The following UBE2R2 variants were observed in gnomAD, a reference collection of about 807,000 sequenced individuals.
UBE2R2 encodes the protein ubiquitin-conjugating enzyme E2 R2.
Under a neutral mutation model 27.8 loss-of-function variants are expected in UBE2R2, and 1 was observed. The ratio of observed to expected loss-of-function variants is 0.04; its 90% CI spans 0.01 to 0.17. UBE2R2 has a LOEUF of 0.17. Ranked by LOEUF, UBE2R2 falls within the 10% of genes least tolerant of loss-of-function variation. UBE2R2 has a pLI of 1.00. For synonymous variants in UBE2R2, 106 were observed against 113.3 expected (o/e 0.94, Z 0.41); for missense variants, 100 against 291.0 (o/e 0.34, Z 4.78).
At chr9:33,875,491 C>T (rs529378153) in intron 1 of UBE2R2, among the ~76,000 whole-genome samples, 1 of 152,274 alleles carries the variant, frequency 6.6e-6, no homozygotes, top group Non-Finnish European at 1.5e-5. Context: ...CCTGTAGTCC[C>T]AGCTACTCAG....
intron 1 of UBE2R2, among the ~76,000 whole-genome samples, chr9:33,837,352 A>T (rs1317760659): frequency 1.3e-5 from 2 of 150,510 alleles, no homozygotes. Flanking sequence ...GACCATGCAC[A>T]GTGCTGTGAT....
chr9:33,886,745 T>TG, intron 1 of UBE2R2, 136 bp from the exon 2 acceptor site: 1 of 615,400 alleles, frequency 1.6e-6, no homozygotes, highest in Non-Finnish European at 2.6e-6. Flanking sequence ...TAACAAAGTA[T>TG]GTCTGAGCTA....
At chr9:33,912,907 A>T (rs2130822726) in intron 4 of UBE2R2, among the ~76,000 whole-genome samples, 1 of 152,248 alleles carries the variant, frequency 6.6e-6, no homozygotes, top group Non-Finnish European at 1.5e-5. Flanking sequence ...TTTGCAATAA[A>T]TACAAACCCT....
At position 33,917,303 on chromosome 9, in the gene UBE2R2, A is replaced by T; in HGVS notation, c.*66A>T. Reference sequence around the variant, plus strand: ...GCCAAAGGGAGGGGAGCAAGTGGGGACCTGGCCATGGCCCCTCAGCAAAAA... The same window carrying T: ...GCCAAAGGGAGGGGAGCAAGTGGGGTCCTGGCCATGGCCCCTCAGCAAAAA... On this transcript the variant is annotated 3_prime_UTR_variant, in exon 5 of 5. Coordinates refer to ENST00000263228, the MANE Select transcript of UBE2R2 (RefSeq NM_017811.4). 1.3e-6 allele frequency: 2 copies of T among 1,594,074 alleles called. No individual in the cohort carries two copies. The highest frequency in any genetic ancestry group is 1.7e-6 in the Non-Finnish European group (2 of 1,172,094).
At chr9:33,879,055 A>C (rs904829628) in intron 1 of UBE2R2, among the ~76,000 whole-genome samples, 1 of 152,124 alleles carries the variant, frequency 6.6e-6, no homozygotes, top group Admixed American at 6.6e-5. Flanking sequence ...CAGCCTGGGC[A>C]AAGTGGTGAA....
intron 1 of UBE2R2, among the ~76,000 whole-genome samples, chr9:33,886,135 G>A (rs184137700): frequency 2.5e-3 from 379 of 152,254 alleles, no homozygotes; most frequent in Admixed American, 4.0e-3. Context: ...TTTTGTAAGG[G>A]AAATCAGCAA....
At chr9:33,911,180 G>C (rs1027183495) in intron 3 of UBE2R2, among the ~76,000 whole-genome samples, 30 of 151,680 alleles carry the variant, frequency 2.0e-4, no homozygotes, top group Admixed American at 5.9e-4. Flanking sequence ...AGGTTGAGGA[G>C]GGCGGATCAC....
intron 1 of UBE2R2, among the ~76,000 whole-genome samples, chr9:33,818,203 G>T (rs894985342): frequency 6.6e-6 from 1 of 152,116 alleles, no homozygotes; most frequent in South Asian, 2.1e-4. Context: ...TAGTGTCTAC[G>T]GGCGGAGGAG....
chr9:33,883,303 A>G (rs1347208038), intron 1 of UBE2R2, among the ~76,000 whole-genome samples: 2 of 152,156 alleles, frequency 1.3e-5, no homozygotes, highest in African/African-American at 4.8e-5. Context: ...ATCAGATTCT[A>G]TAGGTTAAGG....
rs750774628 is a variant in UBE2R2, at chr9:33,853,242, TTCTC to T, written c.178-33635_178-33632del. On this transcript the variant is annotated intron_variant, in intron 1 of 4. Transcript: ENST00000263228. ...TCTGTCTCAAAAAAAAAAAAAAAGA[TTCTC>T]TCTTCTAAAGCAAGACTTACCTGGC... 1.3e-3 allele frequency among the ~76,000 whole-genome samples: 188 copies of T among 150,152 alleles called. 1 individual carries two copies. The highest frequency in any genetic ancestry group is 3.4e-3 in the Middle Eastern group (1 of 294).
chr9:33,899,949 A>G (rs572381295), intron 2 of UBE2R2, among the ~76,000 whole-genome samples: 1 of 152,360 alleles, frequency 6.6e-6, no homozygotes, highest in South Asian at 2.1e-4. Context: ...TTCTATAGGA[A>G]TAGTAAGTCT....
intron 1 of UBE2R2, among the ~76,000 whole-genome samples, chr9:33,874,952 G>A (rs1821570528): frequency 6.6e-6 from 1 of 152,022 alleles, no homozygotes; most frequent in Non-Finnish European, 1.5e-5. Context: ...ATAGGCATGA[G>A]CCACTGTACC....
chr9:33,877,243 G>T (rs866347753), intron 1 of UBE2R2, among the ~76,000 whole-genome samples: 1 of 148,048 alleles, frequency 6.8e-6, no homozygotes, highest in East Asian at 2.0e-4. Flanking sequence ...GTGCAGTGGC[G>T]CGATCTCGGC....
chr9:33,832,669 A>G (rs893216777), intron 1 of UBE2R2, among the ~76,000 whole-genome samples: 6 of 151,894 alleles, frequency 4.0e-5, no homozygotes, highest in East Asian at 1.9e-4. Flanking sequence ...AAAAAAAAAA[A>G]AAAGAAAGAA....
intron 2 of UBE2R2, among the ~76,000 whole-genome samples, chr9:33,895,666 T>C (rs1822086282): frequency 6.6e-6 from 1 of 152,066 alleles, no homozygotes; most frequent in African/African-American, 2.4e-5. Flanking sequence ...ATCGTAACTC[T>C]ACATTTTTTA....
At chr9:33,846,614 G>C (rs150271699) in intron 1 of UBE2R2, among the ~76,000 whole-genome samples, 13 of 152,162 alleles carry the variant, frequency 8.5e-5, no homozygotes, top group African/African-American at 1.7e-4. Flanking sequence ...GTCAAATATA[G>C]CTACTATATC....
intron 1 of UBE2R2, among the ~76,000 whole-genome samples, chr9:33,819,321 T>G (rs748720234): frequency 6.6e-6 from 1 of 152,170 alleles, no homozygotes. Context: ...AGGTCAACTT[T>G]GTAGGAAATG....
chr9:33,893,469 G>T (rs1822031954), intron 2 of UBE2R2, among the ~76,000 whole-genome samples: 1 of 152,146 alleles, frequency 6.6e-6, no homozygotes, highest in Admixed American at 6.5e-5. Flanking sequence ...TTTATCTTTT[G>T]ATGGACACAT....
chr9:33,907,003 C>G (rs1469216286), intron 3 of UBE2R2, among the ~76,000 whole-genome samples: 1 of 152,200 alleles, frequency 6.6e-6, no homozygotes, highest in Non-Finnish European at 1.5e-5. Context: ...TGCACTGGAG[C>G]CTGGGGGCCG....
Sources: allele counts gnomAD v4.1 joint callset (sites outside exome capture counted in the v4.1 genomes callset), GRCh38; gene constraint gnomAD v4.1.1; transcripts MANE v1.5; gene names NCBI Gene and HGNC (gene_info 2026-07-23, HGNC 2026-07-21).